The following MECOM variants were observed in gnomAD, a reference collection of about 807,000 sequenced individuals.
MECOM encodes the protein histone-lysine N-methyltransferase MECOM.
In MECOM, 13 loss-of-function variants were observed where a neutral mutation model predicts 116.3. That is an observed-to-expected ratio of 0.11 (90% CI 0.07 to 0.18). MECOM has a LOEUF of 0.18. MECOM is among the 10% of genes least tolerant of loss of function. The probability of loss-of-function intolerance (pLI) is 1.00; values close to 1 mark genes in which losing one functional copy is unlikely to be tolerated. For missense variants in MECOM, 1,299 were observed against 1,509.0 expected (o/e 0.86, Z 2.31); for synonymous variants, 528 against 535.2 (o/e 0.99, Z 0.19).
rs1473438288 is a variant in MECOM at position 169,127,836 on chromosome 3, T to C, written c.830+8A>G. 6.2e-7 allele frequency: 1 copy of C among 1,611,308 alleles called. No individual in the cohort carries two copies. Among genetic ancestry groups the C allele is most frequent in the Admixed American group, 1.7e-5 (1 of 59,996 alleles). On this transcript the variant is annotated splice_region_variant and intron_variant, in intron 5 of 16. Coordinates refer to ENST00000651503, the MANE Select transcript of MECOM (RefSeq NM_004991.4). ...ACAAGTTGTATGGTACAACATGCCA[T>C]TTCTAACCTTTGCAAATCAGGAAAA...
chr3:169,284,230 T>C (rs1458422222), intron 2 of MECOM, among the ~76,000 whole-genome samples: 1 of 152,126 alleles, frequency 6.6e-6, no homozygotes, highest in African/African-American at 2.4e-5. Flanking sequence ...GCATTTACGA[T>C]ACCGCCTGCT....
intron 2 of MECOM, among the ~76,000 whole-genome samples, chr3:169,205,633 T>A (rs1749821217): frequency 6.6e-6 from 1 of 152,126 alleles, no homozygotes; most frequent in South Asian, 2.1e-4. Flanking sequence ...ACCAAGGGTA[T>A]CAGCGGTAAT....
intron 2 of MECOM, among the ~76,000 whole-genome samples, chr3:169,294,338 G>A (rs1715177171): frequency 1.3e-5 from 2 of 152,174 alleles, no homozygotes; most frequent in African/African-American, 4.8e-5. Context: ...GGGAGAGTTT[G>A]CAATTTCTAC....
chr3:169,344,828 G>A (rs1181912355), intron 2 of MECOM, among the ~76,000 whole-genome samples: 1 of 152,190 alleles, frequency 6.6e-6, no homozygotes, highest in African/African-American at 2.4e-5. Context: ...TGGTCCATAG[G>A]CTTCCTGTCA....
intron 2 of MECOM, among the ~76,000 whole-genome samples, chr3:169,222,743 T>A (rs1442215598): frequency 1.3e-5 from 2 of 152,206 alleles, no homozygotes; most frequent in African/African-American, 4.8e-5. Flanking sequence ...CATTGCCAGA[T>A]TAAGTGTAAA....
chr3:169,446,248 C>G (rs1181303371), intron 1 of MECOM, among the ~76,000 whole-genome samples: 4 of 152,110 alleles, frequency 2.6e-5, no homozygotes, highest in African/African-American at 7.2e-5. Context: ...TCTTAGAATT[C>G]CCACGTGTTG....
chr3:169,143,307 C>G (rs1177274501), intron 3 of MECOM, among the ~76,000 whole-genome samples: 1 of 152,060 alleles, frequency 6.6e-6, no homozygotes, highest in Non-Finnish European at 1.5e-5. Flanking sequence ...ACCTATATAA[C>G]ATTTCAAGTA....
At chr3:169,092,877 C>A in intron 14 of MECOM, 81 bp downstream of exon 14, 1 of 1,557,526 alleles carries the variant, frequency 6.4e-7, no homozygotes. Flanking sequence ...AGTAGTGCCA[C>A]AAAAGTGAGC....
intron 2 of MECOM, among the ~76,000 whole-genome samples, chr3:169,212,554 G>C (rs1370824502): frequency 7.0e-6 from 1 of 143,634 alleles, no homozygotes; most frequent in Non-Finnish European, 1.5e-5. Flanking sequence ...GGCAACACAG[G>C]CACATCTGTA....
chr3:169,661,314 C>A (rs895336380), intron 1 of MECOM, among the ~76,000 whole-genome samples: 3 of 150,802 alleles, frequency 2.0e-5, no homozygotes, highest in South Asian at 2.1e-4. Context: ...CTCCCCCCCC[C>A]ACACACACAC....
intron 1 of MECOM, among the ~76,000 whole-genome samples, chr3:169,644,118 C>G (rs185789000): frequency 1.8e-4 from 28 of 152,282 alleles, no homozygotes; most frequent in Non-Finnish European, 3.5e-4. Flanking sequence ...TGCACCATAA[C>G]TTATAATCCT....
intron 1 of MECOM, among the ~76,000 whole-genome samples, chr3:169,440,006 T>C (rs1416899738): frequency 6.6e-6 from 1 of 152,084 alleles, no homozygotes; most frequent in Non-Finnish European, 1.5e-5. Flanking sequence ...AATAAAACCA[T>C]TTTTTAAAGT....
chr3:169,089,221 T>C (rs764056398), intron 15 of MECOM, 38 bp from the exon 16 acceptor site: 2 of 1,385,146 alleles, frequency 1.4e-6, no homozygotes, highest in South Asian at 3.5e-5. Flanking sequence ...AATTTTCTTT[T>C]CATTTGTTAT....
chr3:169,149,649 G>T (rs771307517), intron 2 of MECOM: 1 of 505,990 alleles, frequency 2.0e-6, no homozygotes, highest in Non-Finnish European at 3.9e-6. Context: ...CTGCAGTCCA[G>T]GCATGTAGAC....
At chr3:169,132,130 C>T (rs1263447221) in intron 3 of MECOM, among the ~76,000 whole-genome samples, 1 of 152,234 alleles carries the variant, frequency 6.6e-6, no homozygotes. Flanking sequence ...TCAGGCCCAG[C>T]TCCTGATCCT....
intron 1 of MECOM, among the ~76,000 whole-genome samples, chr3:169,407,178 TCC>T (rs893753252): frequency 6.6e-6 from 1 of 152,082 alleles, no homozygotes; most frequent in Non-Finnish European, 1.5e-5. Flanking sequence ...GTTCCATCGC[TCC>T]CACCATTTAC....
At chr3:169,278,541 C>T (rs556007326) in intron 2 of MECOM, among the ~76,000 whole-genome samples, 2 of 152,294 alleles carry the variant, frequency 1.3e-5, no homozygotes, top group South Asian at 2.1e-4. Context: ...TTCAAATAAT[C>T]TCAGAAACAG....
intron 2 of MECOM, among the ~76,000 whole-genome samples, chr3:169,234,471 G>A (rs928164110): frequency 1.3e-5 from 2 of 151,524 alleles, no homozygotes; most frequent in Non-Finnish European, 2.9e-5. Flanking sequence ...TTTAAAAAAA[G>A]GGAAGAAAAG....
At chr3:169,288,769 C>T (rs944658985) in intron 2 of MECOM, among the ~76,000 whole-genome samples, 1 of 151,980 alleles carries the variant, frequency 6.6e-6, no homozygotes, top group Non-Finnish European at 1.5e-5. Flanking sequence ...GTTAGGTGTT[C>T]CGTCAGTATT....
Sources: gnomAD v4.1 joint callset for allele counts (sites outside exome capture counted in the v4.1 genomes callset) on GRCh38, gnomAD v4.1.1 for gene constraint, MANE v1.5 for transcripts, NCBI Gene and HGNC (gene_info 2026-07-23, HGNC 2026-07-21) for gene names.